ENPP7: variants seen among roughly 807,000 people sequenced by gnomAD.
ENPP7 encodes ectonucleotide pyrophosphatase/phosphodiesterase family member 7.
ENPP7 carries 39 observed loss-of-function variants against 33.6 expected under a neutral mutation model. The observed-to-expected ratio is 1.16, with a 90% confidence interval of 0.90 to 1.52. ENPP7 has a LOEUF of 1.52. ENPP7 is among the 40% of genes most tolerant of loss of function. The probability of loss-of-function intolerance (pLI) is 0.00; values close to 1 mark genes in which losing one functional copy is unlikely to be tolerated. For synonymous variants in ENPP7, 244 were observed against 274.3 expected, an observed-to-expected ratio of 0.89 and a Z score of 1.09; for missense variants, 594 against 641.0, an observed-to-expected ratio of 0.93 and a Z score of 0.79.
chr17:79,735,117 G>A lies in ENPP7; in HGVS notation c.474G>A (p.Arg158=), dbSNP rs1555823228. Residue 158 remains arginine, a synonymous_variant, in exon 3 of 6, where the codon CGG becomes CGA. Transcript: ENST00000328313. The surrounding 1 kb of genome is among the most constrained non-coding windows in gnomAD (Gnocchi z 5.5). ...TYQGVAVTRS[R]KEGIAHNYKN... ...AAGGGGTGGCTGTGACGCGGAGCCG[G>A]AAAGAAGGCATCGCACACAACTACA... 6.2e-7 allele frequency: 1 copy of A among 1,612,998 alleles called. No individual in the cohort carries two copies. Among genetic ancestry groups the A allele is most frequent in the Admixed American group, 1.7e-5 (1 of 60,010 alleles).
chr17:79,731,790 A>G (rs1310318920), intron 1 of ENPP7, among the ~76,000 whole-genome samples: 3 of 152,152 alleles, frequency 2.0e-5, no homozygotes, highest in Admixed American at 1.3e-4. Context: ...CAATACAGAC[A>G]TAGGTTTTTA....
rs782683145 is a variant in ENPP7, at chr17:79,737,071, C to G, written c.1057C>G (p.His353Asp). 5 of 1,614,040 alleles carry G rather than the reference C, an allele frequency of 3.1e-6. No individual in the cohort carries two copies. Among genetic ancestry groups the G allele is most frequent in the Admixed American group, 3.3e-5 (2 of 60,012 alleles). Residue 353 changes from histidine to aspartate, a missense_variant, in exon 4 of 6, where the codon CAC becomes GAC. His to Asp is a moderately conservative substitution (Grantham distance 81). This residue lies in a region of ENPP7 where 504 missense variants were observed against 512.8 expected (regional missense o/e 0.98). Coordinates refer to ENST00000328313, the MANE Select transcript of ENPP7 (RefSeq NM_178543.5). This position sits in a 1 kb window ranked among gnomAD's most constrained non-coding sequence, Gnocchi z 5.5. ...TAACGTCCAGTTCAACAATGGGGAG[C>G]ACGGCTTTGACAACAAGGACATGGA... ...RINVQFNNGE[H>D]GFDNKDMDMK...
intron 5 of ENPP7, among the ~76,000 whole-genome samples, chr17:79,741,010 A>T (rs889624662): frequency 6.6e-6 from 1 of 151,704 alleles, no homozygotes; most frequent in Non-Finnish European, 1.5e-5. Context: ...TTTTACACAG[A>T]TTCTCACTGT....
chr17:79,737,854 G>T lies in ENPP7; in HGVS notation c.1247-62G>T. The T allele has an allele frequency of 6.3e-7, 1 of 1,582,498 alleles. No homozygotes were observed. Among genetic ancestry groups the T allele is most frequent in the South Asian group, 1.1e-5 (1 of 90,330 alleles). ...ACCAACAGAGGACCCCGAGTTTACTGTGGAGAGGCTGGGGTGAGGAGCCAT... is the reference window on the plus strand; with the variant it reads ...ACCAACAGAGGACCCCGAGTTTACTTTGGAGAGGCTGGGGTGAGGAGCCAT... On this transcript the variant is annotated intron_variant, in intron 4 of 5. Coordinates refer to ENST00000328313, the MANE Select transcript of ENPP7 (RefSeq NM_178543.5). The surrounding 1 kb of genome is among the most constrained non-coding windows in gnomAD (Gnocchi z 5.5).
Position 79,738,041 on chromosome 17 carries a change from G to A in ENPP7, c.1372G>A (p.Ala458Thr), listed in dbSNP as rs782443979. ...LGTVILLSEV[A>T] is the part of the protein sequence containing the mutation. ...GACCGTGATTCTTCTGTCTGAGGTC[G>A]CATAACGCCCCATGGCTCAAGGTCA... is the stretch of plus-strand genomic sequence containing the variant. Residue 458 changes from alanine (A) to threonine (T), a missense_variant, in exon 5 of 6, where the codon GCA becomes ACA. By Grantham distance (58) the Ala-to-Thr change is moderately conservative. Around this residue, in one of 3 missense-constraint regions of ENPP7, gnomAD observed 504 missense variants for 512.8 expected, o/e 0.98. Coordinates refer to ENST00000328313, the MANE Select transcript of ENPP7 (RefSeq NM_178543.5). This position sits in a 1 kb window ranked among gnomAD's most constrained non-coding sequence, Gnocchi z 6.2. 71 of 1,610,502 alleles carry A rather than the reference G, an allele frequency of 4.4e-5. No homozygotes were observed. The East Asian group carries it at 4.7e-4, about 11-fold the overall frequency.
At chr17:79,734,260 A>G (rs2094291252) in intron 2 of ENPP7, among the ~76,000 whole-genome samples, 1 of 149,542 alleles carries the variant, frequency 6.7e-6, no homozygotes, top group Non-Finnish European at 1.5e-5. Flanking sequence ...GTCAGAGCCC[A>G]TGCCCACCCC....
In ENPP7 at chr17:79,735,158, G is replaced by A. The variant is rs781925662; in HGVS notation, c.515G>A (p.Trp172Ter). Residue 172 changes from tryptophan (W) to a stop codon, truncating the protein, a stop_gained, in exon 3 of 6, where the codon TGG (tryptophan) becomes TAG (stop). Transcript: ENST00000328313. LOFTEE classifies it high-confidence loss of function. This position sits in a 1 kb window ranked among gnomAD's most constrained non-coding sequence, Gnocchi z 5.5. ...IAHNYKNETE[W>*]RANIDTVMAW... is the part of the protein sequence containing the mutation. ...CACAACTACAAAAATGAGACGGAGTGGAGAGCGAACATCGACACAGTGATG... is the reference window on the plus strand; with the variant it reads ...CACAACTACAAAAATGAGACGGAGTAGAGAGCGAACATCGACACAGTGATG... 4 of 1,613,284 alleles carry A rather than the reference G, an allele frequency of 2.5e-6. No individual in the cohort carries two copies. Among genetic ancestry groups the A allele is most frequent in the Non-Finnish European group, 3.4e-6 (4 of 1,180,030 alleles).
intron 1 of ENPP7, among the ~76,000 whole-genome samples, chr17:79,733,220 C>T (rs9916601): frequency 0.36 from 55,031 of 152,134 alleles, 11,276 homozygotes; most frequent in African/African-American, 0.55. Flanking sequence ...CACACGCATT[C>T]GTGCCTGTGT....
chr17:79,737,205 C>A lies in ENPP7; in HGVS notation c.1191C>A (p.Ile397=), dbSNP rs1555823784. The A allele has an allele frequency of 6.2e-7, 1 of 1,612,654 alleles. No homozygotes were observed. The highest frequency in any genetic ancestry group is 1.7e-5 in the Admixed American group (1 of 60,010). ...AGCTCATGTGCCGGCTGCTGGGCAT[C>A]GTGCCCGAGGCCAACGATGGGCACC... ...VYELMCRLLG[I]VPEANDGHLA... is the part of the protein sequence containing the mutation. The change falls in exon 4 of 6, where the codon ATC becomes ATA. Residue 397 remains isoleucine (I), a synonymous_variant. Transcript: ENST00000328313. This position sits in a 1 kb window ranked among gnomAD's most constrained non-coding sequence, Gnocchi z 5.5.
At chr17:79,741,195 C>T (rs909320760) in intron 5 of ENPP7, among the ~76,000 whole-genome samples, 8 of 152,190 alleles carry the variant, frequency 5.3e-5, no homozygotes, top group African/African-American at 1.7e-4. Flanking sequence ...AGCTATGTTG[C>T]CCAGGCTGGT....
At position 79,735,729 on chromosome 17, in the gene ENPP7, T is replaced by A. The variant is rs1435995976; in HGVS notation, c.1026+60T>A. ...CTCCCTCCCCAGGCTCTGGGTCTTC[T>A]TTTTTTTTTTTTGAGACCAGGGTCT... On this transcript the variant is annotated intron_variant, in intron 3 of 5. Coordinates refer to ENST00000328313, the MANE Select transcript of ENPP7 (RefSeq NM_178543.5). This position sits in a 1 kb window ranked among gnomAD's most constrained non-coding sequence, Gnocchi z 5.5. 1 of 321,546 alleles carries A rather than the reference T, an allele frequency of 3.1e-6. No individual in the cohort carries two copies. Among genetic ancestry groups the A allele is most frequent in the Non-Finnish European group, 4.7e-6 (1 of 212,522 alleles). The allele number at this position is 321,546 out of a possible 1,614,324, so 19.9% of individuals were successfully genotyped here. A position where few individuals can be genotyped will look rare whatever the true frequency, so the allele number is the denominator to read the frequency against.
rs376721219 is a variant in ENPP7, at chr17:79,737,173, G to C, written c.1159G>C (p.Val387Leu). 3 of 1,613,760 alleles carry C rather than the reference G, an allele frequency of 1.9e-6. No homozygotes were observed. Among genetic ancestry groups the C allele is most frequent in the Middle Eastern group, 1.6e-4 (1 of 6,062 alleles). Reference protein sequence around the residue: ...LEVEPFESVHVYELMCRLLGI... With the variant: ...LEVEPFESVHLYELMCRLLGI... ...GGTGGAGCCCTTTGAGAGCGTCCAC[G>C]TGTACGAGCTCATGTGCCGGCTGCT... Residue 387 changes from valine (V) to leucine (L), a missense_variant, in exon 4 of 6, where the codon GTG (valine) becomes CTG (leucine). By Grantham distance (32) the Val-to-Leu change is conservative (BLOSUM62 1). Coordinates refer to ENST00000328313, the MANE Select transcript of ENPP7 (RefSeq NM_178543.5). This position sits in a 1 kb window ranked among gnomAD's most constrained non-coding sequence, Gnocchi z 5.5.
Position 79,737,019 on chromosome 17 carries a change from A to T in ENPP7, c.1027-22A>T. 1 of 1,608,326 alleles carries T rather than the reference A, an allele frequency of 6.2e-7. No individual in the cohort carries two copies. Among genetic ancestry groups the T allele is most frequent in the Non-Finnish European group, 8.5e-7 (1 of 1,175,172 alleles). On this transcript the variant is annotated intron_variant, in intron 3 of 5. Coordinates refer to ENST00000328313, the MANE Select transcript of ENPP7 (RefSeq NM_178543.5). The surrounding 1 kb of genome is among the most constrained non-coding windows in gnomAD (Gnocchi z 5.5). ...CTGTTGCTCCCAGCAAGGACCCAGG[A>T]CCCTTGCCCGCTCCCCGGCAGAGAA...
chr17:79,733,137 TTCCTTCCTGACG>T (rs1555822867), intron 1 of ENPP7, among the ~76,000 whole-genome samples: 3 of 152,160 alleles, frequency 2.0e-5, no homozygotes, highest in African/African-American at 4.8e-5. Context: ...ATTTAATGAG[TTCCTTCCTGACG>T]GCCGTGGAGG....
At chr17:79,732,131 T>TATATACATATATACACAC (rs1568485076) in intron 1 of ENPP7, among the ~76,000 whole-genome samples, 2 of 20,130 alleles carry the variant, frequency 9.9e-5, no homozygotes, top group Non-Finnish European at 1.0e-4. Context: ...CATATATATA[T>TATATACATATATACACAC]GTATATATAT....
At chr17:79,740,668 T>C (rs1598205342) in intron 5 of ENPP7, among the ~76,000 whole-genome samples, 1 of 152,192 alleles carries the variant, frequency 6.6e-6, no homozygotes, top group African/African-American at 2.4e-5. Flanking sequence ...ACTCTGCATA[T>C]TCTCACACGG....
rs577339712 is a variant in ENPP7, at chr17:79,733,364, C to T, written c.254-144C>T. On this transcript the variant is annotated intron_variant, in intron 1 of 5. Transcript: ENST00000328313. ...GGGCAGTGCAGGAGGAAGTCTGCTC[C>T]CCCCAGCCCTGCCCCAGGCCCACTC... 8.5e-5 allele frequency: 67 copies of T among 791,720 alleles called. No individual in the cohort carries two copies. The South Asian group carries it at 1.1e-3, about 13-fold the overall frequency. 49.0% of individuals were successfully genotyped at this position (791,720 alleles called of 1,614,324 possible).
At chr17:79,741,773 G>C (rs1315364379) in intron 5 of ENPP7, 21 bp from the exon 6 acceptor site, 1 of 985,424 alleles carries the variant, frequency 1.0e-6, no homozygotes, top group Non-Finnish European at 1.2e-6. Context: ...CCAGACCAAC[G>C]CGTGCTGCTT....
intron 2 of ENPP7, among the ~76,000 whole-genome samples, chr17:79,734,348 G>T (rs1013431566): frequency 2.6e-5 from 4 of 152,184 alleles, no homozygotes; most frequent in Non-Finnish European, 5.9e-5. Flanking sequence ...CCTTCCACCG[G>T]CTGGTGAGCA....
Sources: allele counts gnomAD v4.1 joint callset (sites outside exome capture counted in the v4.1 genomes callset), GRCh38; gene constraint gnomAD v4.1.1; regional missense constraint gnomAD v4.1.1; non-coding constraint Gnocchi (gnomAD v3.1); transcripts MANE v1.5; gene names NCBI Gene and HGNC (gene_info 2026-07-23, HGNC 2026-07-21).